CDK5RAP2: variants seen among roughly 807,000 people sequenced by gnomAD.
The protein encoded by CDK5RAP2 is CDK5 regulatory subunit-associated protein 2.
CDK5RAP2 carries 147 observed loss-of-function variants against 232.9 expected under a neutral mutation model. That is an observed-to-expected ratio of 0.63 (90% CI 0.55 to 0.72). The LOEUF (loss-of-function observed/expected upper bound fraction) is 0.72. Ranked by LOEUF, CDK5RAP2 falls within the 30% of genes least tolerant of loss-of-function variation. The pLI is 0.00. For missense variants in CDK5RAP2, 2,195 were observed against 2,231.5 expected, an observed-to-expected ratio of 0.98 and a Z score of 0.33; for synonymous variants, 833 against 833.7, an observed-to-expected ratio of 1.00 and a Z score of 0.01.
At chr9:120,552,427 A>T (rs2042076727) in intron 3 of CDK5RAP2, among the ~76,000 whole-genome samples, 1 of 152,146 alleles carries the variant, frequency 6.6e-6, no homozygotes, top group Non-Finnish European at 1.5e-5. Context: ...ACAATAGCAA[A>T]GGCTTGGAAC....
intron 12 of CDK5RAP2, among the ~76,000 whole-genome samples, chr9:120,510,095 G>T (rs752714532): frequency 5.9e-5 from 9 of 152,118 alleles, no homozygotes; most frequent in Non-Finnish European, 1.2e-4. Context: ...GCCATGTTTT[G>T]ATTCTGATTT....
intron 18 of CDK5RAP2, among the ~76,000 whole-genome samples, chr9:120,464,073 G>A (rs558823548): frequency 6.6e-6 from 1 of 152,222 alleles, no homozygotes; most frequent in East Asian, 1.9e-4. Flanking sequence ...AACTGCTCAG[G>A]TCATGGGACT....
chr9:120,394,171 G>A (rs929738823), intron 36 of CDK5RAP2, among the ~76,000 whole-genome samples: 8 of 152,160 alleles, frequency 5.3e-5, no homozygotes, highest in African/African-American at 1.7e-4. Context: ...CACACTCAGC[G>A]AGGTGGTCAC....
chr9:120,389,206 A>T lies in CDK5RAP2; in HGVS notation c.*30T>A, dbSNP rs2031680606. The T allele has an allele frequency of 6.3e-7, 1 of 1,596,586 alleles. No individual in the cohort carries two copies. The highest frequency in any genetic ancestry group is 8.6e-7 in the Non-Finnish European group (1 of 1,166,706). On this transcript the variant is annotated 3_prime_UTR_variant, in exon 38 of 38. Coordinates refer to ENST00000349780, the MANE Select transcript of CDK5RAP2 (RefSeq NM_018249.6). ...GAGACAGCGTGAGCTCGGTGGGGGA[A>T]GCACAAGCTTTATTGGCTGAAAGTT...
At chr9:120,416,948 C>T (rs1206470499) in intron 27 of CDK5RAP2, among the ~76,000 whole-genome samples, 1 of 152,180 alleles carries the variant, frequency 6.6e-6, no homozygotes, top group East Asian at 1.9e-4. Flanking sequence ...GACTTAATTC[C>T]CAGACCTTCA....
chr9:120,460,845 G>A (rs1023765786), intron 18 of CDK5RAP2, 178 bp from the exon 19 acceptor site: 3 of 1,031,422 alleles, frequency 2.9e-6, no homozygotes, highest in Non-Finnish European at 2.8e-6. Flanking sequence ...AGAGTTGCTA[G>A]TTGTGGCGAA....
At chr9:120,469,816 C>CA (rs1171038875) in intron 17 of CDK5RAP2, among the ~76,000 whole-genome samples, 1 of 151,660 alleles carries the variant, frequency 6.6e-6, no homozygotes, top group Non-Finnish European at 1.5e-5. Context: ...GGATTAGGTA[C>CA]AAAAAAAAGA....
intron 18 of CDK5RAP2, among the ~76,000 whole-genome samples, chr9:120,461,651 G>A (rs917155277): frequency 1.5e-4 from 23 of 152,120 alleles, no homozygotes; most frequent in African/African-American, 5.1e-4. Context: ...GACCAGTCAG[G>A]GCAACAGAGT....
chr9:120,404,220 A>G, intron 32 of CDK5RAP2, 107 bp from the exon 33 acceptor site: 1 of 763,272 alleles, frequency 1.3e-6, no homozygotes, highest in South Asian at 1.4e-5. Flanking sequence ...ATCCATACAC[A>G]CACAGCATTC....
Position 120,439,254 on chromosome 9 carries a change from T to C in CDK5RAP2, c.3722+145A>G, listed in dbSNP as rs151041020. The C allele has an allele frequency of 2.3e-4, 173 of 762,860 alleles. No individual in the cohort carries two copies. In the African/African-American group the frequency reaches 2.5e-3, roughly 11 times the overall value. 47.3% of individuals were successfully genotyped at this position (762,860 alleles called of 1,614,324 possible). On this transcript the variant is annotated intron_variant, in intron 24 of 37. Transcript: ENST00000349780. The stretch of plus-strand genomic sequence containing the variant: ...CTCTCCCTTCTCCACAGGACCTGGC[T>C]GCCTGAACCCCACCATCAAGCCTTC...
chr9:120,513,080 C>T (rs1252484185), intron 12 of CDK5RAP2, among the ~76,000 whole-genome samples: 1 of 152,176 alleles, frequency 6.6e-6, no homozygotes, highest in South Asian at 2.1e-4. Flanking sequence ...CAAAGCTGAA[C>T]ATCCTAGAGT....
At chr9:120,524,949 TC>T in intron 11 of CDK5RAP2, 36 bp downstream of exon 11, 1 of 1,473,926 alleles carries the variant, frequency 6.8e-7, no homozygotes, top group Non-Finnish European at 9.5e-7. Context: ...GGGGTCAGGA[TC>T]AAAGAGACAG....
chr9:120,429,013 A>G (rs1191625272), intron 25 of CDK5RAP2, among the ~76,000 whole-genome samples: 5 of 152,244 alleles, frequency 3.3e-5, no homozygotes, highest in Admixed American at 6.5e-5. Context: ...AAACCACATG[A>G]TTATCTCAAT....
chr9:120,571,887 A>C, intron 2 of CDK5RAP2, 87 bp downstream of exon 2: 23 of 1,057,432 alleles, frequency 2.2e-5, no homozygotes, highest in Non-Finnish European at 3.2e-5. Flanking sequence ...TCTGGGCCCC[A>C]GAGATATGAA....
intron 8 of CDK5RAP2, 108 bp from the exon 9 acceptor site, chr9:120,528,905 C>T: frequency 1.3e-6 from 1 of 782,524 alleles, no homozygotes; most frequent in South Asian, 1.4e-5. Context: ...TCCCCCACTA[C>T]TGTGGAACTC....
chr9:120,536,754 T>C, intron 6 of CDK5RAP2: 2 of 584,618 alleles, frequency 3.4e-6, no homozygotes, highest in East Asian at 3.3e-5. Flanking sequence ...GACTCAACTC[T>C]GTAAGAACTG....
intron 27 of CDK5RAP2, 54 bp downstream of exon 27, chr9:120,419,734 A>T (rs1397769994): frequency 7.2e-7 from 1 of 1,393,488 alleles, no homozygotes; most frequent in Non-Finnish European, 1.0e-6. Flanking sequence ...TTAAGATGGC[A>T]AATTATTGTT....
At chr9:120,555,860 T>A (rs1052791924) in intron 3 of CDK5RAP2, among the ~76,000 whole-genome samples, 1 of 152,216 alleles carries the variant, frequency 6.6e-6, no homozygotes, top group Non-Finnish European at 1.5e-5. Flanking sequence ...GACAGAATAG[T>A]GCTCAGCAAC....
chr9:120,418,351 G>C (rs2034361961), intron 27 of CDK5RAP2, among the ~76,000 whole-genome samples: 1 of 152,164 alleles, frequency 6.6e-6, no homozygotes, highest in Admixed American at 6.5e-5. Context: ...GGAAAAAGAG[G>C]GGCAGCCAAG....
Sources: allele counts gnomAD v4.1 joint callset (sites outside exome capture counted in the v4.1 genomes callset), GRCh38; gene constraint gnomAD v4.1.1; transcripts MANE v1.5; gene names NCBI Gene and HGNC (gene_info 2026-07-23, HGNC 2026-07-21).